Variants in MCTP1 observed in about 807,000 individuals in gnomAD.
MCTP1 encodes the protein multiple C2 and transmembrane domain-containing protein 1.
MCTP1 carries 69 observed loss-of-function variants against 120.6 expected under a neutral mutation model. The observed-to-expected ratio is 0.57, with a 90% CI of 0.47 to 0.70. The LOEUF (loss-of-function observed/expected upper bound fraction) is 0.70. Ranked by LOEUF, MCTP1 falls within the 30% of genes least tolerant of loss-of-function variation. The pLI is 0.00. For missense variants in MCTP1, 1,203 were observed against 1,248.8 expected, an observed-to-expected ratio of 0.96 and a Z score of 0.55; for synonymous variants, 529 against 493.1, an observed-to-expected ratio of 1.07 and a Z score of -0.96.
At chr5:94,867,115 G>C (rs1400154092) in intron 17 of MCTP1, 5 of 848,826 alleles carry the variant, frequency 5.9e-6, no homozygotes, top group Non-Finnish European at 8.1e-6. Flanking sequence ...AGTACCTCCT[G>C]GCTAGGGAAA....
intron 1 of MCTP1, among the ~76,000 whole-genome samples, chr5:95,279,428 T>C (rs1279424996): frequency 5.3e-5 from 8 of 152,214 alleles, no homozygotes. Flanking sequence ...CCTTGATTTG[T>C]CACAGGCTAC....
chr5:95,038,372 C>A (rs1420222056), intron 1 of MCTP1, among the ~76,000 whole-genome samples: 1 of 152,046 alleles, frequency 6.6e-6, no homozygotes, highest in Non-Finnish European at 1.5e-5. Context: ...AATATATATC[C>A]ATGATAATAT....
chr5:94,962,373 C>T (rs887534627), intron 2 of MCTP1, among the ~76,000 whole-genome samples: 3 of 151,296 alleles, frequency 2.0e-5, no homozygotes, highest in Non-Finnish European at 2.9e-5. Context: ...AATTTGCTAT[C>T]GCAGAAATGT....
intron 1 of MCTP1, among the ~76,000 whole-genome samples, chr5:95,214,880 G>C (rs1752858965): frequency 8.2e-6 from 1 of 121,626 alleles, no homozygotes; most frequent in South Asian, 3.3e-4. Context: ...TGGGGGGAGG[G>C]GGGAGGGATA....
chr5:94,716,626 G>T (rs531846731), intron 19 of MCTP1, among the ~76,000 whole-genome samples: 20 of 152,084 alleles, frequency 1.3e-4, no homozygotes, highest in Non-Finnish European at 2.8e-4. Context: ...AAGCATGCTG[G>T]TTGTACAATG....
At chr5:94,834,030 C>T (rs190613337) in intron 17 of MCTP1, among the ~76,000 whole-genome samples, 10 of 152,308 alleles carry the variant, frequency 6.6e-5, no homozygotes, top group South Asian at 2.1e-4. Context: ...TGTGTATGTG[C>T]GTGCATAATC....
At chr5:95,023,162 G>T (rs551296508) in intron 1 of MCTP1, among the ~76,000 whole-genome samples, 2 of 152,150 alleles carry the variant, frequency 1.3e-5, no homozygotes, top group Non-Finnish European at 2.9e-5. Flanking sequence ...ACAGGCTTTT[G>T]AAGACAGAAA....
At chr5:94,914,408 A>AT (rs1809546260) in intron 8 of MCTP1, among the ~76,000 whole-genome samples, 1 of 152,210 alleles carries the variant, frequency 6.6e-6, no homozygotes, top group Non-Finnish European at 1.5e-5. Flanking sequence ...CGCCATAGGT[A>AT]TTTTTATCAT....
intron 10 of MCTP1, among the ~76,000 whole-genome samples, chr5:94,904,802 A>G (rs1806381646): frequency 6.6e-6 from 1 of 152,166 alleles, no homozygotes; most frequent in East Asian, 1.9e-4. Flanking sequence ...AGCTTCAGGG[A>G]TTTATATTCA....
intron 1 of MCTP1, among the ~76,000 whole-genome samples, chr5:95,115,483 T>C (rs1299375994): frequency 6.6e-6 from 1 of 151,938 alleles, no homozygotes; most frequent in African/African-American, 2.4e-5. Flanking sequence ...AAAAATGCAA[T>C]TGGCATACTG....
At chr5:95,270,891 C>T (rs1468342604) in intron 1 of MCTP1, among the ~76,000 whole-genome samples, 2 of 149,978 alleles carry the variant, frequency 1.3e-5, no homozygotes, top group Non-Finnish European at 2.9e-5. Flanking sequence ...GATTGTGCCA[C>T]TGCACTCTAG....
At chr5:94,867,641 G>A (rs1387001930) in intron 17 of MCTP1, 1 of 376,578 alleles carries the variant, frequency 2.7e-6, no homozygotes, top group Non-Finnish European at 4.8e-6. Context: ...CCAAAATAAT[G>A]TGAGAGAAGA....
Position 94,826,772 on chromosome 5 carries a change from C to CTTTTTTTTTTTTTTTTTTTTT in MCTP1, c.2437-27661_2437-27641dup, listed in dbSNP as rs61324420. The CTTTTTTTTTTTTTTTTTTTTT allele has an allele frequency of 1.4e-4, 6 of 42,880 alleles. 2 individuals carry two copies. The highest frequency in any genetic ancestry group is 4.9e-4 in the African/African-American group (3 of 6,118). The allele number at this position is 42,880 out of a possible 1,614,324, so 2.7% of individuals were successfully genotyped here. Reference sequence around the variant, plus strand: ...TCAGAGAGTAGGGTTGTGACCCCTGCTTTTTTTTTTTTTTTTTTTTTTTTT... The same window carrying CTTTTTTTTTTTTTTTTTTTTT: ...TCAGAGAGTAGGGTTGTGACCCCTGCTTTTTTTTTTTTTTTTTTTTTTTTTTTTTTTTTTTTTTTTTTTTTT... On this transcript the variant is annotated intron_variant, in intron 17 of 22. Coordinates refer to ENST00000515393, the MANE Select transcript of MCTP1 (RefSeq NM_024717.7).
At chr5:94,823,303 G>T (rs896672726) in intron 17 of MCTP1, among the ~76,000 whole-genome samples, 6 of 152,112 alleles carry the variant, frequency 3.9e-5, no homozygotes, top group Admixed American at 3.3e-4. Flanking sequence ...ATTAAATAGA[G>T]AATCCTTTCC....
Position 95,283,957 on chromosome 5 carries a change from G to C in MCTP1, c.619C>G (p.Leu207Val). The C allele has an allele frequency of 7.1e-7, 1 of 1,417,398 alleles. No individual in the cohort carries two copies. Among genetic ancestry groups the C allele is most frequent in the South Asian group, 1.6e-5 (1 of 64,278 alleles). 87.8% of individuals were successfully genotyped at this position (1,417,398 alleles called of 1,614,324 possible). ...GGCGGCGGCTCCAGCAGCTGCTCCA[G>C]GCAGGCGGTGCCCGGCAGAGAGGAG... is the stretch of plus-strand genomic sequence containing the variant. ...KSSSLPGTAC[L>V]EQLLEPPPPP... Residue 207 changes from leucine (L) to valine (V), a missense_variant, in exon 1 of 23, where the codon CTG becomes GTG. This residue lies in a region of MCTP1 where 463 missense variants were observed against 377.8 expected (regional missense o/e 1.23). Coordinates refer to ENST00000515393, the MANE Select transcript of MCTP1 (RefSeq NM_024717.7).
intron 18 of MCTP1, among the ~76,000 whole-genome samples, chr5:94,783,637 C>T (rs1777036153): frequency 1.3e-5 from 2 of 152,024 alleles, no homozygotes; most frequent in Admixed American, 6.6e-5. Flanking sequence ...AGGTAGACTT[C>T]ATTATTAAAA....
At chr5:95,005,706 C>G (rs1209311558) in intron 2 of MCTP1, among the ~76,000 whole-genome samples, 1 of 151,882 alleles carries the variant, frequency 6.6e-6, no homozygotes, top group Non-Finnish European at 1.5e-5. Flanking sequence ...CTGAGGCCTC[C>G]TCAGAAAGAG....
chr5:95,130,083 CCT>C (rs1758931282), intron 1 of MCTP1, among the ~76,000 whole-genome samples: 1 of 152,228 alleles, frequency 6.6e-6, no homozygotes, highest in Admixed American at 6.5e-5. Flanking sequence ...AGTATCACCC[CCT>C]GTCCCCCAGC....
At chr5:94,739,507 TAAG>T (rs1285755440) in intron 19 of MCTP1, 1 of 152,194 alleles carries the variant, frequency 6.6e-6, no homozygotes, top group Admixed American at 6.5e-5. Flanking sequence ...GGCATTCGAA[TAAG>T]AAGATGAGTT....
Sources: gnomAD v4.1 joint callset for allele counts (sites outside exome capture counted in the v4.1 genomes callset) on GRCh38, gnomAD v4.1.1 for gene constraint, gnomAD v4.1.1 regional missense constraint, MANE v1.5 for transcripts, NCBI Gene and HGNC (gene_info 2026-07-23, HGNC 2026-07-21) for gene names.